The following LRBA variants were observed in gnomAD, a reference collection of about 807,000 sequenced individuals.
LRBA encodes the protein lipopolysaccharide-responsive and beige-like anchor protein.
LRBA carries 176 observed loss-of-function variants against 330.0 expected under a neutral mutation model. That is an observed-to-expected ratio of 0.53 (90% CI 0.47 to 0.60). The LOEUF is 0.60. LRBA is among the 20% of genes least tolerant of loss of function. The probability of loss-of-function intolerance (pLI) is 0.00; values close to 1 mark genes in which losing one functional copy is unlikely to be tolerated. For synonymous variants in LRBA, 1,230 were observed against 1,193.0 expected (o/e 1.03, Z -0.64); for missense variants, 3,259 against 3,444.8 (o/e 0.95, Z 1.35).
At chr4:150,885,317 G>A (rs1229200696) in intron 17 of LRBA, among the ~76,000 whole-genome samples, 3 of 151,940 alleles carry the variant, frequency 2.0e-5, no homozygotes, top group African/African-American at 7.3e-5. Flanking sequence ...CCACCGAAGT[G>A]AAAGTAACAA....
chr4:150,272,543 A>C (rs1270449844), intron 56 of LRBA, among the ~76,000 whole-genome samples: 2 of 152,092 alleles, frequency 1.3e-5, no homozygotes, highest in Non-Finnish European at 2.9e-5. Context: ...TTCTAATCCA[A>C]TGCAAGGAAG....
intron 40 of LRBA, among the ~76,000 whole-genome samples, chr4:150,525,394 C>A (rs1189622552): frequency 6.6e-6 from 1 of 151,748 alleles, no homozygotes; most frequent in Non-Finnish European, 1.5e-5. Flanking sequence ...GACTCAAGTT[C>A]AATCTATAAT....
chr4:150,734,187 G>A (rs1238080283), intron 36 of LRBA, among the ~76,000 whole-genome samples: 1 of 151,660 alleles, frequency 6.6e-6, no homozygotes, highest in Non-Finnish European at 1.5e-5. Context: ...ATCATCATAT[G>A]CTTTTTTTCT....
At chr4:150,579,400 G>A (rs1274828502) in intron 40 of LRBA, 8 of 449,438 alleles carry the variant, frequency 1.8e-5, no homozygotes, top group Non-Finnish European at 3.1e-5. Flanking sequence ...CCAGCAAGAG[G>A]GAGCATTATT....
chr4:150,888,399 T>C (rs563765158), intron 17 of LRBA, among the ~76,000 whole-genome samples: 2 of 152,328 alleles, frequency 1.3e-5, no homozygotes, highest in African/African-American at 2.4e-5. Context: ...CTTTAAGCTA[T>C]ATATAACTAG....
At chr4:150,774,776 C>A (rs1448874493) in intron 34 of LRBA, among the ~76,000 whole-genome samples, 2 of 152,186 alleles carry the variant, frequency 1.3e-5, no homozygotes, top group Admixed American at 1.3e-4. Context: ...CCCCTTCCTT[C>A]ACAAAGTTCT....
At chr4:150,421,892 GA>G (rs1035933268) in intron 46 of LRBA, among the ~76,000 whole-genome samples, 118 of 151,240 alleles carry the variant, frequency 7.8e-4, no homozygotes, top group Non-Finnish European at 1.2e-3. Flanking sequence ...AAATAAGGGG[GA>G]AAAAAAATGA....
intron 40 of LRBA, chr4:150,582,945 C>A: frequency 6.7e-7 from 1 of 1,487,364 alleles, no homozygotes; most frequent in African/African-American, 1.4e-5. Flanking sequence ...CTTTCGAAAG[C>A]CGCTGGGCCA....
intron 40 of LRBA, among the ~76,000 whole-genome samples, chr4:150,552,142 C>A (rs887602089): frequency 1.3e-5 from 2 of 152,098 alleles, no homozygotes; most frequent in African/African-American, 4.8e-5. Flanking sequence ...GGTAATACTC[C>A]CTCACCTGGC....
chr4:150,461,665 T>C (rs1754794190), intron 44 of LRBA, among the ~76,000 whole-genome samples: 1 of 151,884 alleles, frequency 6.6e-6, no homozygotes, highest in South Asian at 2.1e-4. Context: ...TAGTTAACAA[T>C]AATAATAAAG....
intron 47 of LRBA, among the ~76,000 whole-genome samples, chr4:150,405,864 G>A (rs892952648): frequency 2.7e-5 from 4 of 150,796 alleles, no homozygotes; most frequent in Non-Finnish European, 4.4e-5. Context: ...AGACCAGCTT[G>A]GGCAACATAG....
chr4:150,610,629 C>A (rs1328510422), intron 37 of LRBA, among the ~76,000 whole-genome samples: 2 of 151,958 alleles, frequency 1.3e-5, no homozygotes, highest in African/African-American at 2.4e-5. Context: ...AAAAACAAAG[C>A]AGTTGACCAG....
At chr4:150,963,680 C>A (rs1183888300) in intron 2 of LRBA, among the ~76,000 whole-genome samples, 3 of 147,934 alleles carry the variant, frequency 2.0e-5, no homozygotes, top group Admixed American at 2.0e-4. Context: ...TCTGCCTGGC[C>A]GCCCAGTCCG....
chr4:150,690,376 G>A (rs533624755), intron 36 of LRBA, among the ~76,000 whole-genome samples: 3 of 151,832 alleles, frequency 2.0e-5, no homozygotes, highest in East Asian at 1.9e-4. Context: ...GGTGGCACAC[G>A]CCTGTAATCC....
chr4:150,327,721 A>G (rs1012416167), intron 48 of LRBA, among the ~76,000 whole-genome samples: 19 of 152,374 alleles, frequency 1.2e-4, no homozygotes, highest in African/African-American at 4.6e-4. Flanking sequence ...GATAATGCAT[A>G]TAAAGTGCTT....
chr4:150,602,441 T>C (rs1361436035), intron 37 of LRBA, among the ~76,000 whole-genome samples: 1 of 152,186 alleles, frequency 6.6e-6, no homozygotes, highest in Non-Finnish European at 1.5e-5. Context: ...TTTAAAGTCA[T>C]TTAAATATAT....
At chr4:150,490,241 A>G (rs1325022772) in intron 41 of LRBA, among the ~76,000 whole-genome samples, 1 of 151,796 alleles carries the variant, frequency 6.6e-6, no homozygotes, top group East Asian at 1.9e-4. Flanking sequence ...ACCTTTAAAA[A>G]TAAGAAACCA....
intron 13 of LRBA, among the ~76,000 whole-genome samples, chr4:150,904,122 C>T (rs182774250): frequency 6.6e-6 from 1 of 152,318 alleles, no homozygotes; most frequent in Admixed American, 6.5e-5. Context: ...TTTTCACATC[C>T]ACACATCCAG....
At chr4:150,271,871 T>C (rs1746154383) in intron 56 of LRBA, among the ~76,000 whole-genome samples, 1 of 152,136 alleles carries the variant, frequency 6.6e-6, no homozygotes, top group South Asian at 2.1e-4. Context: ...TAGGGGCTTA[T>C]AGATAAAACC....
Sources: gnomAD v4.1 joint callset for allele counts (sites outside exome capture counted in the v4.1 genomes callset) on GRCh38, gnomAD v4.1.1 for gene constraint, MANE v1.5 for transcripts, NCBI Gene and HGNC (gene_info 2026-07-23, HGNC 2026-07-21) for gene names.